Variants in FUCA1 observed in about 807,000 individuals in gnomAD.
The protein encoded by FUCA1 is tissue alpha-L-fucosidase.
In FUCA1, 52 loss-of-function variants were observed where a neutral mutation model predicts 56.8. That is an observed-to-expected ratio of 0.92 (90% confidence interval 0.73 to 1.15). The LOEUF (loss-of-function observed/expected upper bound fraction) is 1.15, where lower values mean the gene tolerates loss of function less well. FUCA1 is among the 50% of genes most tolerant of loss of function. The pLI is 0.00. For synonymous variants in FUCA1, 230 were observed against 226.6 expected, an observed-to-expected ratio of 1.02 and a Z score of -0.14; for missense variants, 568 against 592.6, an observed-to-expected ratio of 0.96 and a Z score of 0.43.
intron 4 of FUCA1, among the ~76,000 whole-genome samples, chr1:23,855,742 T>A (rs1434131349): frequency 1.3e-5 from 2 of 152,162 alleles, no homozygotes; most frequent in Non-Finnish European, 2.9e-5. Flanking sequence ...GGTCACAGAA[T>A]TGAAAAGGAC....
At position 23,867,863 on chromosome 1, in the gene FUCA1, C is replaced by T. The variant is rs755723800; in HGVS notation, c.389+35G>A. ...CCCACCTCCTGTTTGCCGCCCGAGC[C>T]GGGAAGGGGCGCCGCTCCCCGGGAC... On this transcript the variant is annotated intron_variant, in intron 1 of 7. Transcript: ENST00000374479. This position sits in a 1 kb window ranked among gnomAD's most constrained non-coding sequence, Gnocchi z 4.9. 2.4e-5 allele frequency: 36 copies of T among 1,529,142 alleles called. No individual in the cohort carries two copies. Among genetic ancestry groups the T allele is most frequent in the Non-Finnish European group, 2.9e-5 (33 of 1,140,646 alleles). The allele number at this position is 1,529,142 out of a possible 1,614,324, so 94.7% of individuals were successfully genotyped here. A position where few individuals can be genotyped will look rare whatever the true frequency, so the allele number is the denominator to read the frequency against.
At chr1:23,858,180 T>A (rs1292229957) in intron 4 of FUCA1, among the ~76,000 whole-genome samples, 2 of 152,128 alleles carry the variant, frequency 1.3e-5, no homozygotes, top group African/African-American at 4.8e-5. Flanking sequence ...TTCTCCTGCC[T>A]CAGCCTCCTG....
chr1:23,846,272 TTTC>T, intron 6 of FUCA1, 99 bp from the exon 7 acceptor site: 2 of 841,170 alleles, frequency 2.4e-6, no homozygotes, highest in Non-Finnish European at 3.8e-6. Flanking sequence ...TTTCTTTTCT[TTTC>T]TTTTTTTTTT....
chr1:23,868,045 C>T lies in FUCA1; in HGVS notation c.242G>A (p.Trp81Ter). ...GTACTGCGGCCGCCCCTCGCCCTGC[C>T]AGTGCCACCAGAACCACTCGCTGCC... ...AWGSEWFWWH[W>*]QGEGRPQYQR... The change falls in exon 1 of 8, where the codon TGG becomes TAG. Residue 81 changes from tryptophan to a stop codon, truncating the protein, a stop_gained. Coordinates refer to ENST00000374479, the MANE Select transcript of FUCA1 (RefSeq NM_000147.5). LOFTEE classifies it high-confidence loss of function. 6.2e-7 allele frequency: 1 copy of T among 1,611,226 alleles called. No homozygotes were observed. The highest frequency in any genetic ancestry group is 8.5e-7 in the Non-Finnish European group (1 of 1,179,414).
At chr1:23,864,345 C>T (rs1018637959) in intron 2 of FUCA1, among the ~76,000 whole-genome samples, 1 of 152,158 alleles carries the variant, frequency 6.6e-6, no homozygotes, top group African/African-American at 2.4e-5. Context: ...GCCTCGGCCT[C>T]CCAAAGTGCT....
At chr1:23,850,813 T>G (rs1029194538) in intron 5 of FUCA1, among the ~76,000 whole-genome samples, 3 of 152,088 alleles carry the variant, frequency 2.0e-5, no homozygotes, top group South Asian at 4.1e-4. Flanking sequence ...AAAATAGAGA[T>G]GGGGTCTCAC....
intron 3 of FUCA1, among the ~76,000 whole-genome samples, chr1:23,861,322 CAAAAA>C (rs34240712): frequency 5.0e-5 from 3 of 60,488 alleles, no homozygotes; most frequent in South Asian, 5.2e-4. Context: ...GACTCCGTCT[CAAAAA>C]AAAAAAAAAA....
rs571089976 is a variant in FUCA1 at position 23,855,692 on chromosome 1, C to T, written c.769-1132G>A. 3.2e-4 allele frequency among the ~76,000 whole-genome samples: 49 copies of T among 152,242 alleles called. 1 individual carries two copies. The South Asian group carries it at 9.5e-3, about 30-fold the overall frequency. ...AGTCATTATTTGTAACTAGTTCAAT[C>T]CAATGTCTGGTACTTGATTATCAAT... On this transcript the variant is annotated intron_variant, in intron 4 of 7. Transcript: ENST00000374479.
In FUCA1 at chr1:23,845,546, T is replaced by A. The variant is rs1257438094; in HGVS notation, c.*169A>T. 1.4e-6 allele frequency: 1 copy of A among 735,570 alleles called. No individual in the cohort carries two copies. Among genetic ancestry groups the A allele is most frequent in the Admixed American group, 2.4e-5 (1 of 41,558 alleles). The allele number at this position is 735,570 out of a possible 1,614,324, so 45.6% of individuals were successfully genotyped here. On this transcript the variant is annotated 3_prime_UTR_variant, in exon 8 of 8. Coordinates refer to ENST00000374479, the MANE Select transcript of FUCA1 (RefSeq NM_000147.5). ...ATCACAATGGATCTCAGATCTTTGGTCCATTTAGACATCAGGGTAATGTAC... is the reference window on the plus strand; with the variant it reads ...ATCACAATGGATCTCAGATCTTTGGACCATTTAGACATCAGGGTAATGTAC...
chr1:23,849,739 T>C (rs1342240895), intron 5 of FUCA1, among the ~76,000 whole-genome samples: 5 of 151,674 alleles, frequency 3.3e-5, no homozygotes, highest in African/African-American at 9.7e-5. Context: ...CGCACCACCA[T>C]GCCCAGTTAA....
At position 23,868,143 on chromosome 1, in the gene FUCA1, C is replaced by T. The variant is rs1383407330; in HGVS notation, c.144G>A (p.Pro48=). ...TPDWPSLDSR[P]LPAWFDEAKF... The stretch of plus-strand genomic sequence containing the variant: ...TGGCTTCGTCGAACCAGGCCGGCAG[C>T]GGCCGAGAATCCAGGCTCGGCCAGT... The change falls in exon 1 of 8, where the codon CCG becomes CCA. Residue 48 remains proline, a synonymous_variant. Transcript: ENST00000374479. The T allele has an allele frequency of 2.5e-6, 4 of 1,610,588 alleles. No homozygotes were observed. Among genetic ancestry groups the T allele is most frequent in the African/African-American group, 1.3e-5 (1 of 74,908 alleles).
chr1:23,857,522 G>C (rs1639417763), intron 4 of FUCA1, among the ~76,000 whole-genome samples: 2 of 151,630 alleles, frequency 1.3e-5, no homozygotes. Context: ...TTGTGAGACA[G>C]AGTCTCGCTC....
chr1:23,846,219 C>A (rs1639136840), intron 6 of FUCA1, 46 bp from the exon 7 acceptor site: 1 of 1,183,478 alleles, frequency 8.4e-7, no homozygotes, highest in South Asian at 1.2e-5. Flanking sequence ...GACTTGTTAT[C>A]CTGATATACA....
chr1:23,865,477 C>G lies in FUCA1; in HGVS notation c.524+14G>C. 1.9e-6 allele frequency: 3 copies of G among 1,614,124 alleles called. No individual in the cohort carries two copies. The highest frequency in any genetic ancestry group is 2.5e-6 in the Non-Finnish European group (3 of 1,179,986). On this transcript the variant is annotated intron_variant, in intron 2 of 7. Coordinates refer to ENST00000374479, the MANE Select transcript of FUCA1 (RefSeq NM_000147.5). Reference sequence around the variant, plus strand: ...TCCAAAGAGATAACAGAGTAACCATCCCTGGACACTCACCTCTTCCGGAGA... The same window carrying G: ...TCCAAAGAGATAACAGAGTAACCATGCCTGGACACTCACCTCTTCCGGAGA...
chr1:23,868,242 C>T lies in FUCA1; in HGVS notation c.45G>A (p.Leu15=), dbSNP rs761603943. Residue 15 remains leucine (L), a synonymous_variant, in exon 1 of 8, where the codon CTG becomes CTA. Transcript: ENST00000374479. ...CTCCGAGGAAGAGCAGCAGCAGCAA[C>T]AGCGCGGGACCCGCCGGCCGCGACC... ...GMRSRPAGPA[L]LLLLLFLGAA... 6.4e-6 allele frequency: 10 copies of T among 1,564,472 alleles called. No individual in the cohort carries two copies. The South Asian group carries it at 9.3e-5, about 14-fold the overall frequency.
At chr1:23,852,506 C>T (rs965918939) in intron 5 of FUCA1, among the ~76,000 whole-genome samples, 1 of 151,478 alleles carries the variant, frequency 6.6e-6, no homozygotes, top group East Asian at 1.9e-4. Flanking sequence ...TCTCTTTCCA[C>T]GGTCTCCCAC....
In FUCA1 at chr1:23,845,095, T is replaced by C. The variant is rs1263471331; in HGVS notation, c.*620A>G. On this transcript the variant is annotated 3_prime_UTR_variant, in exon 8 of 8. Transcript: ENST00000374479. ...TACCATGTTTTTTTGGTAGAAATGATTGTGATGTACAAATTTTTTATTTGA... is the reference window on the plus strand; with the variant it reads ...TACCATGTTTTTTTGGTAGAAATGACTGTGATGTACAAATTTTTTATTTGA... The C allele has an allele frequency of 1.3e-5, 2 of 156,150 alleles. No homozygotes were observed. The highest frequency in any genetic ancestry group is 6.1e-5 in the Admixed American group (1 of 16,278). The allele number at this position is 156,150 out of a possible 1,614,324, so 9.7% of individuals were successfully genotyped here. A position where few individuals can be genotyped will look rare whatever the true frequency, so the allele number is the denominator to read the frequency against.
At chr1:23,853,773 T>G (rs1647023695) in intron 5 of FUCA1, among the ~76,000 whole-genome samples, 1 of 151,822 alleles carries the variant, frequency 6.6e-6, no homozygotes, top group Non-Finnish European at 1.5e-5. Flanking sequence ...CCCACAACCC[T>G]GTGCTCTCTG....
chr1:23,853,379 C>G (rs1481200093), intron 5 of FUCA1, among the ~76,000 whole-genome samples: 1 of 147,802 alleles, frequency 6.8e-6, no homozygotes, highest in Non-Finnish European at 1.5e-5. Context: ...CCGCCCCGTC[C>G]GGGAGGGAGG....
Sources: gnomAD v4.1 joint callset for allele counts (sites outside exome capture counted in the v4.1 genomes callset) on GRCh38, gnomAD v4.1.1 for gene constraint, Gnocchi (gnomAD v3.1) non-coding constraint, MANE v1.5 for transcripts, NCBI Gene and HGNC (gene_info 2026-07-23, HGNC 2026-07-21) for gene names.